Variants in TENM2 observed in about 807,000 individuals in gnomAD.
TENM2 encodes teneurin transmembrane protein 2.
TENM2 carries 52 observed loss-of-function variants against 245.2 expected under a neutral mutation model. That is an observed-to-expected ratio of 0.21 (90% CI 0.17 to 0.27). The LOEUF is 0.27. Among genes scored for constraint, TENM2 ranks in the 10% least tolerant of loss-of-function variants. The probability of loss-of-function intolerance (pLI) is 1.00; values close to 1 mark genes in which losing one functional copy is unlikely to be tolerated. For missense variants in TENM2, 3,046 were observed against 3,666.8 expected (o/e 0.83, Z 4.37); for synonymous variants, 1,363 against 1,438.9 (o/e 0.95, Z 1.19).
At chr5:167,533,653 T>C (rs1771668668) in intron 2 of TENM2, among the ~76,000 whole-genome samples, 1 of 151,750 alleles carries the variant, frequency 6.6e-6, no homozygotes, top group African/African-American at 2.4e-5. Context: ...AGAAATGGGG[T>C]CTAGTTATGT....
intron 7 of TENM2, among the ~76,000 whole-genome samples, chr5:168,070,793 A>AAGAGAGAG (rs201553774): frequency 1.1e-5 from 1 of 89,354 alleles, no homozygotes; most frequent in South Asian, 3.8e-4. Context: ...GAAAGAAAGA[A>AAGAGAGAG]AGAGAGAGAG....
At chr5:167,235,723 C>T in the TENM2 span, among the ~76,000 whole-genome samples, 1 of 152,104 alleles carries the variant, frequency 6.6e-6, no homozygotes, top group African/African-American at 2.4e-5. Context: ...CAGAAAAAGA[C>T]CACCTTTTCC....
chr5:167,584,549 G>A lies in TENM2; in HGVS notation c.502+209076G>A, dbSNP rs117322600. Among the ~76,000 whole-genome samples, 461 of 152,248 alleles carry A rather than the reference G, an allele frequency of 3.0e-3. 14 individuals are homozygous for A. The highest frequency in any genetic ancestry group is 0.025 in the Admixed American group (388 of 15,292). Reference sequence around the variant, plus strand: ...AAGGGGAGTTGCAAAGGGAGAAGCCGGCTGAGGCTGATCCTTTTGTTATCT... The same window carrying A: ...AAGGGGAGTTGCAAAGGGAGAAGCCAGCTGAGGCTGATCCTTTTGTTATCT... On this transcript the variant is annotated intron_variant, in intron 2 of 28. Transcript: ENST00000518659.
chr5:168,100,924 T>A (rs1488550432), intron 9 of TENM2, among the ~76,000 whole-genome samples: 6 of 138,464 alleles, frequency 4.3e-5, no homozygotes, highest in Non-Finnish European at 4.7e-5. Flanking sequence ...CAAGTATAAT[T>A]AAAAAAAAAA....
the TENM2 span, among the ~76,000 whole-genome samples, chr5:167,209,809 C>T: frequency 3.3e-5 from 5 of 152,108 alleles, no homozygotes; most frequent in South Asian, 2.1e-4. Context: ...AGCAAGGTTG[C>T]GTTTTCTGAG....
chr5:167,911,340 C>T (rs1776530462), intron 3 of TENM2, among the ~76,000 whole-genome samples: 1 of 152,096 alleles, frequency 6.6e-6, no homozygotes, highest in Non-Finnish European at 1.5e-5. Flanking sequence ...ACCTGGCTAA[C>T]ACGGTGAAAC....
chr5:167,492,916 A>G (rs1044729562), intron 2 of TENM2, among the ~76,000 whole-genome samples: 1 of 152,128 alleles, frequency 6.6e-6, no homozygotes, highest in Non-Finnish European at 1.5e-5. Flanking sequence ...CTGCTGGACA[A>G]AATCAGCTAC....
At chr5:167,166,303 A>G in the TENM2 span, among the ~76,000 whole-genome samples, 9 of 152,278 alleles carry the variant, frequency 5.9e-5, no homozygotes, top group African/African-American at 2.2e-4. Context: ...TTTTTTTGGT[A>G]TTCAGAATGA....
At chr5:167,088,632 A>T in the TENM2 span, among the ~76,000 whole-genome samples, 1 of 140,818 alleles carries the variant, frequency 7.1e-6, no homozygotes, top group Non-Finnish European at 1.6e-5. Context: ...CATCTTTTAA[A>T]AAAACAAAAG....
Position 167,557,211 on chromosome 5 carries a change from G to T in TENM2, c.502+181738G>T, listed in dbSNP as rs73801281. The stretch of plus-strand genomic sequence containing the variant: ...ATGCTTCTTTGTGAGTTTTTAAAAT[G>T]TGGAATATAATTTTAATATAAAAAT... On this transcript the variant is annotated intron_variant, in intron 2 of 28. Coordinates refer to ENST00000518659, the Ensembl canonical transcript of TENM2. Among the ~76,000 whole-genome samples, 2,789 of 152,244 alleles carry T rather than the reference G, an allele frequency of 0.018. 214 individuals carry two copies. In the East Asian group the frequency reaches 0.22, roughly 12 times the overall value.
At chr5:167,130,907 TTTTTTAAA>T in the TENM2 span, among the ~76,000 whole-genome samples, 1 of 148,766 alleles carries the variant, frequency 6.7e-6, no homozygotes, top group African/African-American at 2.5e-5. Context: ...TTTTTTTTTT[TTTTTTAAA>T]AAAAAAAAAG....
At chr5:167,236,455 G>A in the TENM2 span, among the ~76,000 whole-genome samples, 2 of 152,288 alleles carry the variant, frequency 1.3e-5, no homozygotes, top group East Asian at 3.9e-4. Context: ...GTCACTGAGT[G>A]GCTCCAGTGT....
At chr5:166,987,989 TA>T in the TENM2 span, among the ~76,000 whole-genome samples, 1 of 152,292 alleles carries the variant, frequency 6.6e-6, no homozygotes. Flanking sequence ...TTCACACTCT[TA>T]GATTCATCTT....
the TENM2 span, among the ~76,000 whole-genome samples, chr5:167,097,076 T>G: frequency 6.6e-6 from 1 of 152,134 alleles, no homozygotes; most frequent in East Asian, 1.9e-4. Context: ...TCCATCTAAA[T>G]GCTAACTATC....
chr5:167,210,451 A>ATTTTT, the TENM2 span, among the ~76,000 whole-genome samples: 16 of 101,202 alleles, frequency 1.6e-4, no homozygotes, highest in African/African-American at 2.4e-4. Flanking sequence ...TTTTCACTGC[A>ATTTTT]TTTTTTTTTT....
At chr5:168,217,250 T>G (rs951827528) in intron 22 of TENM2, among the ~76,000 whole-genome samples, 1 of 152,234 alleles carries the variant, frequency 6.6e-6, no homozygotes, top group African/African-American at 2.4e-5. Context: ...GGTTTGAGAA[T>G]GTACTGTACA....
At chr5:168,156,250 A>AAAAAAAAAC (rs1757152973) in intron 12 of TENM2, among the ~76,000 whole-genome samples, 1 of 148,690 alleles carries the variant, frequency 6.7e-6, no homozygotes, top group Non-Finnish European at 1.5e-5. Flanking sequence ...CCATAGTTAA[A>AAAAAAAAAC]AAAAAAAAAA....
At chr5:168,142,172 G>A (rs971946562) in intron 12 of TENM2, among the ~76,000 whole-genome samples, 57 of 152,208 alleles carry the variant, frequency 3.7e-4, no homozygotes, top group African/African-American at 1.3e-3. Context: ...TGAAACTCAG[G>A]GAGGCCCAAG....
intron 2 of TENM2, among the ~76,000 whole-genome samples, chr5:167,689,977 C>G (rs1366581085): frequency 6.6e-6 from 1 of 151,994 alleles, no homozygotes; most frequent in African/African-American, 2.4e-5. Context: ...GTTAATTTTG[C>G]TTTCAGTGTG....
Sources: allele counts gnomAD v4.1 joint callset (sites outside exome capture counted in the v4.1 genomes callset), GRCh38; gene constraint gnomAD v4.1.1; transcripts MANE v1.5; gene names NCBI Gene and HGNC (gene_info 2026-07-23, HGNC 2026-07-21).